MMP26: variants seen among roughly 807,000 people sequenced by gnomAD.
MMP26 encodes the protein matrix metalloproteinase-26.
Under a neutral mutation model 31.0 loss-of-function variants are expected in MMP26, and 33 were observed. The observed-to-expected ratio is 1.06, with a 90% CI of 0.81 to 1.42. The LOEUF (loss-of-function observed/expected upper bound fraction) is 1.42. MMP26 is among the 40% of genes most tolerant of loss of function. The probability of loss-of-function intolerance (pLI) is 0.00; values close to 1 mark genes in which losing one functional copy is unlikely to be tolerated. For missense variants in MMP26, 347 were observed against 316.1 expected (o/e 1.10, Z -0.74); for synonymous variants, 122 against 114.9 (o/e 1.06, Z -0.40).
At chr11:4,730,182 A>G (rs1848155027) in intron 1 of MMP26, among the ~76,000 whole-genome samples, 1 of 151,938 alleles carries the variant, frequency 6.6e-6, no homozygotes, top group Non-Finnish European at 1.5e-5. Context: ...CTTTGCCTTT[A>G]CTATTAGATA....
At chr11:4,928,976 C>A (rs1851309824) in intron 2 of MMP26, among the ~76,000 whole-genome samples, 1 of 151,996 alleles carries the variant, frequency 6.6e-6, no homozygotes, top group Non-Finnish European at 1.5e-5. Flanking sequence ...TGTTGGTGGG[C>A]AATGTATTTG....
At chr11:4,890,889 A>G (rs1268003619) in intron 2 of MMP26, among the ~76,000 whole-genome samples, 1 of 151,586 alleles carries the variant, frequency 6.6e-6, no homozygotes, top group East Asian at 1.9e-4. Context: ...CTCTTGTGTT[A>G]TTAGGCTTTA....
chr11:4,983,421 T>C (rs1846843007), intron 2 of MMP26, among the ~76,000 whole-genome samples: 1 of 152,226 alleles, frequency 6.6e-6, no homozygotes, highest in South Asian at 2.1e-4. Context: ...AATTTTCCAA[T>C]GCCCCACAAA....
At chr11:4,763,889 G>A (rs1324962479) in intron 1 of MMP26, among the ~76,000 whole-genome samples, 1 of 152,100 alleles carries the variant, frequency 6.6e-6, no homozygotes, top group Non-Finnish European at 1.5e-5. Flanking sequence ...TAATATTAAA[G>A]TATTTAGTAT....
rs942718040 is a variant in MMP26, at chr11:4,934,702, GT to G, written c.-144-53362del. Among the ~76,000 whole-genome samples the G allele has an allele frequency of 2.5e-3, 365 of 147,172 alleles. 6 individuals carry two copies. The highest frequency in any genetic ancestry group is 8.9e-3 in the African/African-American group (355 of 40,064). On this transcript the variant is annotated intron_variant, in intron 2 of 7. Transcript: ENST00000380390. ...TAGGTTTTCTTCTAGGGTTTTTATG[GT>G]TTTAGGTCTAACGTTTAAATCTTTA...
chr11:4,753,420 A>G (rs1242242581), intron 1 of MMP26, among the ~76,000 whole-genome samples: 2 of 152,246 alleles, frequency 1.3e-5, no homozygotes, highest in Middle Eastern at 3.4e-3. Context: ...TTTGATGTTT[A>G]CCACTTACTC....
At chr11:4,893,329 T>C (rs987843137) in intron 2 of MMP26, among the ~76,000 whole-genome samples, 2 of 152,190 alleles carry the variant, frequency 1.3e-5, no homozygotes, top group Non-Finnish European at 2.9e-5. Context: ...AAATCTATAC[T>C]TCTTACCATA....
chr11:4,952,440 C>G (rs1377441522), intron 2 of MMP26, among the ~76,000 whole-genome samples: 1 of 124,872 alleles, frequency 8.0e-6, no homozygotes, highest in Non-Finnish European at 1.8e-5. Context: ...GTACTACAAC[C>G]CCAAACCCAT....
At chr11:4,968,337 A>G (rs1846622771) in intron 2 of MMP26, among the ~76,000 whole-genome samples, 1 of 152,100 alleles carries the variant, frequency 6.6e-6, no homozygotes, top group African/African-American at 2.4e-5. Context: ...AAAATAAACC[A>G]AATTATTTTT....
chr11:4,860,326 A>C (rs759966466), intron 2 of MMP26: 1 of 471,386 alleles, frequency 2.1e-6, no homozygotes, highest in South Asian at 1.5e-5. Context: ...CATGGAGGGC[A>C]AGGTGGACAT....
intron 1 of MMP26, among the ~76,000 whole-genome samples, chr11:4,714,691 A>T (rs930032756): frequency 6.6e-6 from 1 of 152,154 alleles, no homozygotes; most frequent in African/African-American, 2.4e-5. Context: ...CTAGGTTTGT[A>T]TGACGGTATA....
At chr11:4,980,154 T>C (rs1846792489) in intron 2 of MMP26, among the ~76,000 whole-genome samples, 1 of 152,100 alleles carries the variant, frequency 6.6e-6, no homozygotes, top group Non-Finnish European at 1.5e-5. Context: ...ATTACCTGGC[T>C]TTTTTGCATG....
intron 2 of MMP26, among the ~76,000 whole-genome samples, chr11:4,784,378 T>C (rs1848906585): frequency 6.6e-6 from 1 of 152,208 alleles, no homozygotes; most frequent in African/African-American, 2.4e-5. Context: ...CTCTAAAAGC[T>C]ATGCCCAAGT....
intron 1 of MMP26, among the ~76,000 whole-genome samples, chr11:4,713,147 T>C (rs1589881186): frequency 6.6e-6 from 1 of 152,070 alleles, no homozygotes; most frequent in South Asian, 2.1e-4. Context: ...AAAACTGCAA[T>C]ATATTAGGGA....
chr11:4,895,564 A>G (rs555484243), intron 2 of MMP26, among the ~76,000 whole-genome samples: 35 of 152,340 alleles, frequency 2.3e-4, no homozygotes, highest in African/African-American at 7.9e-4. Context: ...AAACAGTTGC[A>G]TGATTTCTGA....
At chr11:4,777,316 A>T (rs776105827) in intron 2 of MMP26, among the ~76,000 whole-genome samples, 1 of 152,196 alleles carries the variant, frequency 6.6e-6, no homozygotes, top group Non-Finnish European at 1.5e-5. Context: ...CTTTATATAG[A>T]TAATGAGTAT....
chr11:4,753,882 A>G (rs1848476170), intron 1 of MMP26, among the ~76,000 whole-genome samples: 1 of 152,090 alleles, frequency 6.6e-6, no homozygotes, highest in Admixed American at 6.6e-5. Flanking sequence ...GTTTATGATT[A>G]TAAAACCTGC....
At chr11:4,906,417 T>G (rs561123465) in intron 2 of MMP26, among the ~76,000 whole-genome samples, 3 of 152,306 alleles carry the variant, frequency 2.0e-5, no homozygotes, top group African/African-American at 7.2e-5. Context: ...TAATTTAAAA[T>G]CAAATGAAAG....
chr11:4,927,254 A>C (rs553210134), intron 2 of MMP26, among the ~76,000 whole-genome samples: 3 of 152,324 alleles, frequency 2.0e-5, no homozygotes, highest in African/African-American at 7.2e-5. Context: ...TTCGAAGTAC[A>C]ATCATGACCT....
Sources: allele counts gnomAD v4.1 joint callset (sites outside exome capture counted in the v4.1 genomes callset), GRCh38; gene constraint gnomAD v4.1.1; transcripts MANE v1.5; gene names NCBI Gene and HGNC (gene_info 2026-07-23, HGNC 2026-07-21).